LYPD6: variants seen among roughly 807,000 people sequenced by gnomAD.
LYPD6 encodes the protein ly6/PLAUR domain-containing protein 6.
In LYPD6, 15 loss-of-function variants were observed where a neutral mutation model predicts 22.7. The observed-to-expected ratio is 0.66, with a 90% confidence interval of 0.44 to 1.02. LYPD6 has a LOEUF of 1.02. Among genes scored for constraint, LYPD6 ranks in the 50% least tolerant of loss-of-function variants. The probability of loss-of-function intolerance (pLI) is 0.00; values close to 1 mark genes in which losing one functional copy is unlikely to be tolerated. For missense variants in LYPD6, 189 were observed against 208.4 expected (o/e 0.91, Z 0.57); for synonymous variants, 72 against 77.5 (o/e 0.93, Z 0.37).
In LYPD6 at chr2:149,437,629, A is replaced by C; in HGVS notation, c.-71-9A>C. 1.3e-6 allele frequency: 2 copies of C among 1,582,240 alleles called. No individual in the cohort carries two copies. The highest frequency in any genetic ancestry group is 2.2e-5 in the South Asian group (2 of 89,150). ...CGATCACTGAGATGATTCTTTCTTC[A>C]TTTTTCAGGTGCAAGTTCTCTCCTG... On this transcript the variant is annotated splice_polypyrimidine_tract_variant and intron_variant, in intron 1 of 4. Coordinates refer to ENST00000334166, the MANE Select transcript of LYPD6 (RefSeq NM_194317.5).
At chr2:149,393,012 C>T (rs1006277737) in intron 1 of LYPD6, among the ~76,000 whole-genome samples, 3 of 152,108 alleles carry the variant, frequency 2.0e-5, no homozygotes, top group South Asian at 4.2e-4. Context: ...GGCGACAGAG[C>T]GAGACTCCAT....
chr2:149,411,304 A>AT lies in LYPD6; in HGVS notation c.-71-26322dup, dbSNP rs879532951. 3.4e-3 allele frequency among the ~76,000 whole-genome samples: 497 copies of AT among 147,072 alleles called. 4 individuals are homozygous for AT. Among genetic ancestry groups the AT allele is most frequent in the African/African-American group, 9.8e-3 (394 of 40,240 alleles). On this transcript the variant is annotated intron_variant, in intron 1 of 4. Transcript: ENST00000334166. ...CATCATCTGGTAAAAATGTGTGTGT[A>AT]TTTTTTTTTTTTATAAACAGGTATG...
intron 1 of LYPD6, among the ~76,000 whole-genome samples, chr2:149,332,404 G>A (rs1680955995): frequency 6.6e-6 from 1 of 152,202 alleles, no homozygotes; most frequent in Non-Finnish European, 1.5e-5. Context: ...AATGTTTATA[G>A]TACATAATGC....
At chr2:149,346,234 C>T (rs749791010) in intron 1 of LYPD6, among the ~76,000 whole-genome samples, 5 of 150,906 alleles carry the variant, frequency 3.3e-5, no homozygotes, top group African/African-American at 4.9e-5. Context: ...GATGTTAATT[C>T]GTATTTAATG....
At chr2:149,448,605 A>G (rs1011776761) in intron 2 of LYPD6, among the ~76,000 whole-genome samples, 1 of 152,062 alleles carries the variant, frequency 6.6e-6, no homozygotes, top group African/African-American at 2.4e-5. Flanking sequence ...CAAAAATGTC[A>G]TATAAATGGA....
chr2:149,406,842 A>G (rs1423258268), intron 1 of LYPD6, among the ~76,000 whole-genome samples: 2 of 152,094 alleles, frequency 1.3e-5, no homozygotes, highest in Non-Finnish European at 2.9e-5. Flanking sequence ...GGTCTTTACA[A>G]TTTGGCATGA....
rs1274008816 is a variant in LYPD6 at position 149,330,590 on chromosome 2, G to C, written c.-204G>C. ...CCGCCTCTCCCCGCTGCGCTCCCTC[G>C]CTCCTTCCCTGAGCTCCCGGGCTCC... On this transcript the variant is annotated 5_prime_UTR_variant, in exon 1 of 5. Transcript: ENST00000334166. The C allele has an allele frequency of 6.6e-6, 1 of 151,302 alleles. No homozygotes were observed. The highest frequency in any genetic ancestry group is 2.4e-5 in the African/African-American group (1 of 41,306). 9.4% of individuals were successfully genotyped at this position (151,302 alleles called of 1,614,324 possible). A position where few individuals can be genotyped will look rare whatever the true frequency, so the allele number is the denominator to read the frequency against.
the LYPD6 span, among the ~76,000 whole-genome samples, chr2:149,482,342 C>A: frequency 6.6e-6 from 1 of 152,134 alleles, no homozygotes; most frequent in African/African-American, 2.4e-5. Context: ...TCTATCATAA[C>A]CAGAATGCAG....
At chr2:149,407,796 G>A (rs566889560) in intron 1 of LYPD6, among the ~76,000 whole-genome samples, 3 of 152,298 alleles carry the variant, frequency 2.0e-5, no homozygotes, top group Non-Finnish European at 4.4e-5. Context: ...TCCTTTGGAG[G>A]AGGAGAGGCA....
chr2:149,332,700 C>T (rs1680961421), intron 1 of LYPD6, among the ~76,000 whole-genome samples: 1 of 152,168 alleles, frequency 6.6e-6, no homozygotes, highest in South Asian at 2.1e-4. Flanking sequence ...TTGTTGTTTA[C>T]CTACTTCTGA....
At chr2:149,333,713 A>T (rs974897653) in intron 1 of LYPD6, among the ~76,000 whole-genome samples, 1 of 152,196 alleles carries the variant, frequency 6.6e-6, no homozygotes, top group African/African-American at 2.4e-5. Context: ...ATCTAATGAC[A>T]CAATGCATTT....
intron 1 of LYPD6, among the ~76,000 whole-genome samples, chr2:149,366,018 C>T (rs1215862232): frequency 1.3e-5 from 2 of 152,212 alleles, no homozygotes; most frequent in Non-Finnish European, 2.9e-5. Flanking sequence ...TCTCAGCTCA[C>T]ATCAACTAAT....
chr2:149,467,581 A>AG (rs1323648397), intron 3 of LYPD6, among the ~76,000 whole-genome samples: 1 of 151,962 alleles, frequency 6.6e-6, no homozygotes, highest in East Asian at 1.9e-4. Context: ...CTGGTGGGGG[A>AG]GAGGGGAGGA....
intron 1 of LYPD6, among the ~76,000 whole-genome samples, chr2:149,344,995 C>A (rs969083473): frequency 6.6e-6 from 1 of 152,054 alleles, no homozygotes; most frequent in Non-Finnish European, 1.5e-5. Context: ...CTGCAGTGTG[C>A]TGTGACTGCA....
the LYPD6 span, among the ~76,000 whole-genome samples, chr2:149,483,616 T>TA: frequency 6.6e-6 from 1 of 151,820 alleles, no homozygotes; most frequent in Non-Finnish European, 1.5e-5. Context: ...TGCAGTTGGT[T>TA]AAAAAAAATA....
At chr2:149,344,138 T>G (rs756780076) in intron 1 of LYPD6, among the ~76,000 whole-genome samples, 4 of 152,212 alleles carry the variant, frequency 2.6e-5, no homozygotes, top group Non-Finnish European at 5.9e-5. Context: ...ATTCTGTGAA[T>G]GTACAATTAG....
chr2:149,386,722 G>T (rs1363179392), intron 1 of LYPD6, among the ~76,000 whole-genome samples: 1 of 152,212 alleles, frequency 6.6e-6, no homozygotes, highest in African/African-American at 2.4e-5. Context: ...TGGATATAAA[G>T]TATACTGTAA....
At chr2:149,449,253 C>T (rs868461601) in intron 3 of LYPD6, 106 bp downstream of exon 3, 44 of 665,378 alleles carry the variant, frequency 6.6e-5, no homozygotes, top group African/African-American at 2.7e-4. Flanking sequence ...ATCTCAGCTG[C>T]TCCTCTTGTC....
At chr2:149,437,326 T>C (rs1683455519) in intron 1 of LYPD6, among the ~76,000 whole-genome samples, 1 of 152,164 alleles carries the variant, frequency 6.6e-6, no homozygotes, top group African/African-American at 2.4e-5. Flanking sequence ...TATCGTACTC[T>C]GGCAGCCATC....
Sources: gnomAD v4.1 joint callset for allele counts (sites outside exome capture counted in the v4.1 genomes callset) on GRCh38, gnomAD v4.1.1 for gene constraint, MANE v1.5 for transcripts, NCBI Gene and HGNC (gene_info 2026-07-23, HGNC 2026-07-21) for gene names.